ZMYND11: variants seen among roughly 807,000 people sequenced by gnomAD.
ZMYND11 encodes zinc finger MYND domain-containing protein 11.
In ZMYND11, 9 loss-of-function variants were observed where a neutral mutation model predicts 84.9. The observed-to-expected ratio is 0.11, with a 90% confidence interval of 0.06 to 0.18. The LOEUF is 0.18. ZMYND11 is among the 10% of genes least tolerant of loss of function. The pLI is 1.00. For missense variants in ZMYND11, 409 were observed against 761.0 expected (o/e 0.54, Z 5.44); for synonymous variants, 250 against 244.1 (o/e 1.02, Z -0.23).
intron 3 of ZMYND11, among the ~76,000 whole-genome samples, chr10:211,176 C>CA (rs773666932): frequency 6.6e-6 from 1 of 150,840 alleles, no homozygotes; most frequent in Non-Finnish European, 1.5e-5. Flanking sequence ...GCCTGGGCGA[C>CA]AGAGCAAGAC....
intron 1 of ZMYND11, among the ~76,000 whole-genome samples, chr10:140,132 C>G (rs1837171056): frequency 2.0e-5 from 3 of 152,146 alleles, no homozygotes; most frequent in Middle Eastern, 3.4e-3. Context: ...CACGCAGAAA[C>G]AGAAGAGAAG....
At chr10:249,841 T>C (rs902880427) in intron 14 of ZMYND11, 15 of 878,822 alleles carry the variant, frequency 1.7e-5, no homozygotes, top group Non-Finnish European at 2.0e-5. Context: ...CATAAGCTTT[T>C]CATGAAAGAA....
intron 3 of ZMYND11, among the ~76,000 whole-genome samples, chr10:213,702 CT>C (rs1350997529): frequency 1.3e-5 from 2 of 151,998 alleles, no homozygotes; most frequent in African/African-American, 4.8e-5. Flanking sequence ...TCCTGAGATA[CT>C]TTGTATCAGC....
intron 2 of ZMYND11, among the ~76,000 whole-genome samples, chr10:202,638 G>T (rs769889951): frequency 6.6e-5 from 10 of 152,218 alleles, no homozygotes; most frequent in East Asian, 3.9e-4. Context: ...TGCTAGTTGC[G>T]ACTCATCCTT....
intron 2 of ZMYND11, among the ~76,000 whole-genome samples, chr10:201,054 T>C (rs1315861408): frequency 2.6e-5 from 4 of 152,024 alleles, no homozygotes; most frequent in African/African-American, 7.3e-5. Flanking sequence ...TAAAGTCTTT[T>C]GACAGCAAGA....
chr10:232,495 T>C (rs112343248), intron 4 of ZMYND11, among the ~76,000 whole-genome samples: 2 of 152,244 alleles, frequency 1.3e-5, no homozygotes, highest in Admixed American at 6.5e-5. Flanking sequence ...GAGAGTCCTC[T>C]TTTTTGTTTG....
At chr10:194,683 T>C (rs1490848689) in intron 2 of ZMYND11, among the ~76,000 whole-genome samples, 1 of 152,202 alleles carries the variant, frequency 6.6e-6, no homozygotes, top group East Asian at 1.9e-4. Flanking sequence ...TATTTTAATG[T>C]GCTTACTGAC....
At chr10:151,812 T>C (rs1332701234) in intron 1 of ZMYND11, among the ~76,000 whole-genome samples, 2 of 151,970 alleles carry the variant, frequency 1.3e-5, no homozygotes, top group African/African-American at 2.4e-5. Flanking sequence ...GGGCAGCCAA[T>C]GAGAAAGGTT....
intron 1 of ZMYND11, among the ~76,000 whole-genome samples, chr10:149,794 T>A (rs1554756448): frequency 6.6e-6 from 1 of 152,226 alleles, no homozygotes; most frequent in Non-Finnish European, 1.5e-5. Context: ...GAAGAAAGGC[T>A]GAAACAGAGT....
At chr10:178,218 C>T (rs544628292) in intron 1 of ZMYND11, among the ~76,000 whole-genome samples, 2 of 152,158 alleles carry the variant, frequency 1.3e-5, no homozygotes, top group South Asian at 4.1e-4. Flanking sequence ...TGTCAAATTT[C>T]CTCTGCCAGT....
At chr10:192,994 A>C (rs961863500) in intron 2 of ZMYND11, among the ~76,000 whole-genome samples, 1 of 152,132 alleles carries the variant, frequency 6.6e-6, no homozygotes, top group African/African-American at 2.4e-5. Flanking sequence ...CTGTTTATTT[A>C]ACTTTTTCCA....
intron 1 of ZMYND11, among the ~76,000 whole-genome samples, chr10:162,415 C>A (rs1843129288): frequency 6.6e-6 from 1 of 151,824 alleles, no homozygotes; most frequent in African/African-American, 2.4e-5. Flanking sequence ...AGTAGACTTG[C>A]TTGACTCAGG....
upstream of ZMYND11, among the ~76,000 whole-genome samples, chr10:133,607 T>C (rs1835385486): frequency 6.6e-6 from 1 of 152,142 alleles, no homozygotes; most frequent in African/African-American, 2.4e-5. Flanking sequence ...CTTACTCGAG[T>C]GCCTTCTCTA....
intron 1 of ZMYND11, among the ~76,000 whole-genome samples, chr10:136,993 A>G (rs936265535): frequency 7.2e-5 from 11 of 152,080 alleles, no homozygotes; most frequent in African/African-American, 2.7e-4. Flanking sequence ...TGTTTTGTAT[A>G]TATATCTGGT....
chr10:163,453 T>C (rs1692981820), intron 1 of ZMYND11, among the ~76,000 whole-genome samples: 1 of 152,128 alleles, frequency 6.6e-6, no homozygotes, highest in South Asian at 2.1e-4. Flanking sequence ...GCATTCCTTA[T>C]TTTTTTGTTC....
chr10:186,400 A>AG (rs561363321), intron 2 of ZMYND11, among the ~76,000 whole-genome samples: 321 of 151,822 alleles, frequency 2.1e-3, no homozygotes, highest in African/African-American at 7.3e-3. Flanking sequence ...CCCAGCACTT[A>AG]GGGAGACCGA....
chr10:195,209 A>G (rs1033094403), intron 2 of ZMYND11, among the ~76,000 whole-genome samples: 1 of 152,202 alleles, frequency 6.6e-6, no homozygotes, highest in Non-Finnish European at 1.5e-5. Context: ...GAGGAGGGAG[A>G]TTCAAATAAA....
chr10:206,652 GTCTT>G (rs1024608461), intron 2 of ZMYND11, among the ~76,000 whole-genome samples: 3 of 151,812 alleles, frequency 2.0e-5, no homozygotes, highest in African/African-American at 7.3e-5. Flanking sequence ...TTTGTTTTCA[GTCTT>G]TCTGAGTCAC....
chr10:176,387 AATG>A (rs1251571322), intron 1 of ZMYND11, among the ~76,000 whole-genome samples: 1 of 152,180 alleles, frequency 6.6e-6, no homozygotes, highest in Non-Finnish European at 1.5e-5. Context: ...AGACTGTATT[AATG>A]ATCTCTACAA....
Sources: allele counts gnomAD v4.1 joint callset (sites outside exome capture counted in the v4.1 genomes callset), GRCh38; gene constraint gnomAD v4.1.1; transcripts MANE v1.5; gene names NCBI Gene and HGNC (gene_info 2026-07-23, HGNC 2026-07-21).